Variants in MAST2 observed in about 807,000 individuals in gnomAD.
MAST2 encodes microtubule associated serine/threonine kinase 2, also known as microtubule-associated serine/threonine-protein kinase 2.
Under a neutral mutation model 147.4 loss-of-function variants are expected in MAST2, and 70 were observed. The ratio of observed to expected loss-of-function variants is 0.47; its 90% CI spans 0.39 to 0.58. The LOEUF (loss-of-function observed/expected upper bound fraction) is 0.58. Among genes scored for constraint, MAST2 ranks in the 20% least tolerant of loss-of-function variants. The pLI, the probability that MAST2 is intolerant of heterozygous loss-of-function variation, is 0.00. For missense variants in MAST2, 2,080 were observed against 2,302.3 expected, an observed-to-expected ratio of 0.90 and a Z score of 1.98; for synonymous variants, 869 against 896.8, an observed-to-expected ratio of 0.97 and a Z score of 0.55.
At chr1:45,878,878 T>C (rs1260055550) in intron 3 of MAST2, among the ~76,000 whole-genome samples, 4 of 151,698 alleles carry the variant, frequency 2.6e-5, no homozygotes, top group Non-Finnish European at 5.9e-5. Flanking sequence ...ATTATAAGAC[T>C]TGATATTTTG....
chr1:45,973,499 T>G (rs1371773695), intron 5 of MAST2, among the ~76,000 whole-genome samples: 2 of 152,206 alleles, frequency 1.3e-5, no homozygotes, highest in African/African-American at 4.8e-5. Flanking sequence ...TCTGTGTGAA[T>G]AATTCAGTAT....
intron 2 of MAST2, among the ~76,000 whole-genome samples, chr1:45,827,107 C>T (rs1296149671): frequency 6.6e-6 from 1 of 152,132 alleles, no homozygotes; most frequent in East Asian, 1.9e-4. Context: ...GAATTACAGG[C>T]GGGAGCCACC....
chr1:46,035,270 C>G lies in MAST2; in HGVS notation c.4601C>G (p.Ala1534Gly). The G allele has an allele frequency of 6.2e-7, 1 of 1,613,940 alleles. No individual in the cohort carries two copies. Among genetic ancestry groups the G allele is most frequent in the Non-Finnish European group, 8.5e-7 (1 of 1,179,998 alleles). ...APHPEVSQSV[A>G]PKGAGESGEE... ...CACCCAGAAGTGAGCCAGAGTGTGG[C>G]CCCTAAAGGAGCAGGAGAGAGTGGG... is the stretch of plus-strand genomic sequence containing the variant. Residue 1534 changes from alanine to glycine, a missense_variant, in exon 29 of 29, where the codon GCC (alanine) becomes GGC (glycine). Ala to Gly is a moderately conservative substitution (Grantham distance 60). Coordinates refer to ENST00000361297, the MANE Select transcript of MAST2 (RefSeq NM_015112.3). This position sits in a 1 kb window ranked among gnomAD's most constrained non-coding sequence, Gnocchi z 5.5.
intron 3 of MAST2, among the ~76,000 whole-genome samples, chr1:45,841,700 A>C (rs1244361405): frequency 6.6e-6 from 1 of 152,164 alleles, no homozygotes; most frequent in Non-Finnish European, 1.5e-5. Flanking sequence ...TAGAAAGGAA[A>C]GTTTTATTAG....
chr1:45,855,038 C>A (rs1645743617), intron 3 of MAST2, among the ~76,000 whole-genome samples: 1 of 152,208 alleles, frequency 6.6e-6, no homozygotes, highest in Non-Finnish European at 1.5e-5. Flanking sequence ...GCTCTCTGAA[C>A]CCTGTACTTC....
intron 5 of MAST2, among the ~76,000 whole-genome samples, chr1:45,973,755 A>G (rs1184240777): frequency 6.6e-6 from 1 of 152,198 alleles, no homozygotes; most frequent in Non-Finnish European, 1.5e-5. Context: ...ACCACATAAA[A>G]AGAGTATTTC....
At chr1:45,982,386 A>G (rs539039962) in intron 5 of MAST2, among the ~76,000 whole-genome samples, 2 of 152,336 alleles carry the variant, frequency 1.3e-5, no homozygotes, top group South Asian at 4.1e-4. Context: ...TTGGGGACTG[A>G]TCACAAGAAA....
intron 3 of MAST2, among the ~76,000 whole-genome samples, chr1:45,834,255 C>CA (rs1265042940): frequency 5.3e-5 from 8 of 151,944 alleles, no homozygotes; most frequent in Admixed American, 5.2e-4. Flanking sequence ...TAAATAGTAA[C>CA]AAAAGGGGGC....
intron 4 of MAST2, among the ~76,000 whole-genome samples, chr1:45,945,728 AT>A (rs1458726148): frequency 6.6e-6 from 1 of 152,220 alleles, no homozygotes; most frequent in Non-Finnish European, 1.5e-5. Flanking sequence ...ATTACAGGAC[AT>A]TTTGCATTTC....
chr1:46,034,050 G>A, intron 27 of MAST2, 23 bp from the exon 28 acceptor site: 1 of 1,610,252 alleles, frequency 6.2e-7, no homozygotes, highest in South Asian at 1.1e-5. Context: ...CACCGACTCA[G>A]CCTTTGACCC....
rs71587722 is a variant in MAST2 at position 45,888,663 on chromosome 1, C to CTTTTTTTTTTTTT, written c.500+6292_500+6304dup. 1.4e-3 allele frequency among the ~76,000 whole-genome samples: 69 copies of CTTTTTTTTTTTTT among 48,722 alleles called. 5 individuals are homozygous for CTTTTTTTTTTTTT. Among genetic ancestry groups the CTTTTTTTTTTTTT allele is most frequent in the East Asian group, 1.8e-3 (3 of 1,708 alleles). 32.0% of individuals were successfully genotyped at this position (48,722 alleles called of 152,430 possible). On this transcript the variant is annotated intron_variant, in intron 4 of 28. Transcript: ENST00000361297. Reference sequence around the variant, plus strand: ...AGGCGTGAGCCACCGCGCGCGGCCTCTTTTTTTTTTTTTTTTTTTTTTTTT... The same window carrying CTTTTTTTTTTTTT: ...AGGCGTGAGCCACCGCGCGCGGCCTCTTTTTTTTTTTTTTTTTTTTTTTTTTTTTTTTTTTTTT...
At chr1:45,976,460 A>G (rs1644163713) in intron 5 of MAST2, among the ~76,000 whole-genome samples, 1 of 152,150 alleles carries the variant, frequency 6.6e-6, no homozygotes, top group African/African-American at 2.4e-5. Flanking sequence ...ATCCAGGCAT[A>G]GTGGCACATG....
chr1:45,847,672 A>G, intron 3 of MAST2: 1 of 379,524 alleles, frequency 2.6e-6, no homozygotes, highest in Non-Finnish European at 5.1e-6. Context: ...CACCAACCAC[A>G]AGAGCAGCAG....
At chr1:45,873,966 A>G (rs183283156) in intron 3 of MAST2, among the ~76,000 whole-genome samples, 28 of 152,244 alleles carry the variant, frequency 1.8e-4, no homozygotes, top group Admixed American at 1.7e-3. Flanking sequence ...GACTGCTGGC[A>G]CATGCCAATA....
chr1:45,952,211 G>T (rs1659030510), intron 4 of MAST2, among the ~76,000 whole-genome samples: 2 of 152,220 alleles, frequency 1.3e-5, no homozygotes. Flanking sequence ...AACAATTGTG[G>T]CATGGAGAAT....
chr1:45,914,846 CTAA>C (rs1401601349), intron 4 of MAST2, among the ~76,000 whole-genome samples: 1 of 152,170 alleles, frequency 6.6e-6, no homozygotes, highest in Admixed American at 6.5e-5. Flanking sequence ...ACTTCATCAA[CTAA>C]TGTGTTATTT....
intron 3 of MAST2, among the ~76,000 whole-genome samples, chr1:45,871,354 A>T (rs975297463): frequency 1.3e-4 from 19 of 151,594 alleles, no homozygotes; most frequent in African/African-American, 3.6e-4. Flanking sequence ...GTCTCTTATT[A>T]CCTCCCCCAA....
chr1:45,878,785 G>A (rs1350324556), intron 3 of MAST2, among the ~76,000 whole-genome samples: 1 of 152,072 alleles, frequency 6.6e-6, no homozygotes. Context: ...TAAAAGGAGT[G>A]CAAGGTGTTT....
At chr1:45,841,773 C>T (rs895028497) in intron 3 of MAST2, among the ~76,000 whole-genome samples, 3 of 152,060 alleles carry the variant, frequency 2.0e-5, no homozygotes, top group African/African-American at 2.4e-5. Flanking sequence ...GAGTGTGTTG[C>T]GGTGGATTTT....
Sources: gnomAD v4.1 joint callset for allele counts (sites outside exome capture counted in the v4.1 genomes callset) on GRCh38, gnomAD v4.1.1 for gene constraint, Gnocchi (gnomAD v3.1) non-coding constraint, MANE v1.5 for transcripts, NCBI Gene and HGNC (gene_info 2026-07-23, HGNC 2026-07-21) for gene names.